The following RBPJ variants were observed in gnomAD, a reference collection of about 807,000 sequenced individuals.
RBPJ encodes the protein recombination signal binding protein for immunoglobulin kappa J region.
Under a neutral mutation model 67.8 loss-of-function variants are expected in RBPJ, and 9 were observed. The observed-to-expected ratio is 0.13, with a 90% CI of 0.08 to 0.23. The LOEUF (loss-of-function observed/expected upper bound fraction) is 0.23, where lower values mean the gene tolerates loss of function less well. Ranked by LOEUF, RBPJ falls within the 10% of genes least tolerant of loss-of-function variation. The pLI is 1.00. For synonymous variants in RBPJ, 198 were observed against 203.3 expected (o/e 0.97, Z 0.22); for missense variants, 305 against 595.6 (o/e 0.51, Z 5.08).
At chr4:26,316,634 TG>T (rs1722645932), upstream of RBPJ, among the ~76,000 whole-genome samples, 1 of 141,916 alleles carries the variant, frequency 7.0e-6, no homozygotes, top group South Asian at 2.1e-4. Flanking sequence ...ATACACATAT[TG>T]ATATATATAT....
At chr4:26,316,510 C>A (rs1326921947), upstream of RBPJ, among the ~76,000 whole-genome samples, 84 of 88,972 alleles carry the variant, frequency 9.4e-4, 2 homozygotes, top group African/African-American at 4.7e-3. Flanking sequence ...CATATATATT[C>A]ATATATATTC....
intron 1 of RBPJ, among the ~76,000 whole-genome samples, chr4:26,196,567 T>C (rs1717772225): frequency 6.6e-6 from 1 of 152,214 alleles, no homozygotes; most frequent in African/African-American, 2.4e-5. Flanking sequence ...GTTATCTACA[T>C]TCGATAGATC....
At chr4:26,107,704 C>A in the RBPJ span, among the ~76,000 whole-genome samples, 7 of 152,276 alleles carry the variant, frequency 4.6e-5, no homozygotes, top group East Asian at 1.4e-3. Flanking sequence ...TCGAGACCAG[C>A]CTGGCAAACA....
intron 7 of RBPJ, among the ~76,000 whole-genome samples, chr4:26,425,614 C>T (rs555047047): frequency 6.6e-6 from 1 of 152,228 alleles, no homozygotes; most frequent in East Asian, 1.9e-4. Context: ...ATCTCAACAA[C>T]CACAGAAAAG....
At chr4:26,323,133 C>T (rs1431087761) in intron 1 of RBPJ, among the ~76,000 whole-genome samples, 1 of 151,456 alleles carries the variant, frequency 6.6e-6, no homozygotes, top group Non-Finnish European at 1.5e-5. Flanking sequence ...AATGGAAAAC[C>T]ATGTTTTCAT....
At chr4:26,216,830 T>C (rs1577483743) in intron 1 of RBPJ, among the ~76,000 whole-genome samples, 1 of 151,448 alleles carries the variant, frequency 6.6e-6, no homozygotes, top group Non-Finnish European at 1.5e-5. Context: ...CAGGCTGAGG[T>C]GAGAGAATTG....
chr4:26,158,952 TCTC>T (rs1560191671), upstream of RBPJ, among the ~76,000 whole-genome samples: 3 of 73,370 alleles, frequency 4.1e-5, no homozygotes, highest in East Asian at 1.4e-3. Flanking sequence ...TCTTTCTCTC[TCTC>T]TCTCTCTCTC....
chr4:26,242,690 A>G (rs1259253839), intron 1 of RBPJ, among the ~76,000 whole-genome samples: 1 of 140,972 alleles, frequency 7.1e-6, no homozygotes, highest in Non-Finnish European at 1.5e-5. Flanking sequence ...TTTCACCAAC[A>G]GACCCACTCA....
At chr4:26,281,492 C>A (rs916420903) in intron 1 of RBPJ, among the ~76,000 whole-genome samples, 1 of 152,182 alleles carries the variant, frequency 6.6e-6, no homozygotes, top group African/African-American at 2.4e-5. Context: ...GTTGGCCAGG[C>A]TGGTCTCGAA....
intron 1 of RBPJ, among the ~76,000 whole-genome samples, chr4:26,289,652 T>G (rs1721602689): frequency 6.6e-6 from 1 of 150,650 alleles, no homozygotes; most frequent in African/African-American, 2.4e-5. Context: ...GGTCAGTATC[T>G]TCAATCACAC....
At chr4:26,322,116 C>T (rs1222939760) in intron 1 of RBPJ, 2 of 152,772 alleles carry the variant, frequency 1.3e-5, no homozygotes, top group African/African-American at 4.8e-5. Flanking sequence ...CCGCCCCCCT[C>T]CTGGTTCCTG....
chr4:26,160,754 G>A (rs1028258751), upstream of RBPJ, among the ~76,000 whole-genome samples: 5 of 151,864 alleles, frequency 3.3e-5, no homozygotes, highest in Non-Finnish European at 2.9e-5. Context: ...CAAGAAAGCT[G>A]AGTAGGGTCT....
intron 1 of RBPJ, among the ~76,000 whole-genome samples, chr4:26,298,290 A>G (rs1721954092): frequency 6.6e-6 from 1 of 152,232 alleles, no homozygotes; most frequent in South Asian, 2.1e-4. Flanking sequence ...CTCACAATTG[A>G]GTCTCACATC....
chr4:26,117,327 C>T, the RBPJ span, among the ~76,000 whole-genome samples: 2 of 152,032 alleles, frequency 1.3e-5, no homozygotes, highest in Admixed American at 6.6e-5. Flanking sequence ...CTTTTCTGGC[C>T]CCAGATATCC....
At chr4:26,191,210 TAGAGAG>T (rs545388933) in intron 1 of RBPJ, among the ~76,000 whole-genome samples, 662 of 26,730 alleles carry the variant, frequency 0.025, 23 homozygotes, top group Middle Eastern at 0.036. Flanking sequence ...TATATATATA[TAGAGAG>T]AGAGAGAGAG....
intron 1 of RBPJ, among the ~76,000 whole-genome samples, chr4:26,375,759 A>T (rs1016538719): frequency 6.6e-6 from 1 of 152,166 alleles, no homozygotes; most frequent in Non-Finnish European, 1.5e-5. Flanking sequence ...GACGCACACA[A>T]AGCAGGCACG....
upstream of RBPJ, chr4:26,320,416 C>T (rs1341594285): frequency 2.0e-5 from 7 of 342,282 alleles, no homozygotes; most frequent in Admixed American, 4.5e-5. Flanking sequence ...TGAAGACAGT[C>T]CCCGACGTGT....
At chr4:26,136,534 A>T in the RBPJ span, among the ~76,000 whole-genome samples, 1 of 152,200 alleles carries the variant, frequency 6.6e-6, no homozygotes, top group African/African-American at 2.4e-5. Flanking sequence ...AAGACTTTGG[A>T]TGGAAACAGT....
chr4:26,221,576 G>C (rs1718911908), intron 1 of RBPJ, among the ~76,000 whole-genome samples: 1 of 152,206 alleles, frequency 6.6e-6, no homozygotes, highest in South Asian at 2.1e-4. Flanking sequence ...GAGACGGCGA[G>C]ACCCTTGGGC....
Sources: allele counts gnomAD v4.1 joint callset (sites outside exome capture counted in the v4.1 genomes callset), GRCh38; gene constraint gnomAD v4.1.1; transcripts MANE v1.5; gene names NCBI Gene and HGNC (gene_info 2026-07-23, HGNC 2026-07-21).